PPWD1: variants seen among roughly 807,000 people sequenced by gnomAD.
PPWD1 encodes the protein peptidylprolyl isomerase domain and WD repeat containing 1, also known as peptidylprolyl isomerase domain and WD repeat-containing protein 1.
Under a neutral mutation model 68.8 loss-of-function variants are expected in PPWD1, and 43 were observed. The observed-to-expected ratio is 0.62, with a 90% CI of 0.49 to 0.81. PPWD1 has a LOEUF of 0.81. PPWD1 is among the 30% of genes least tolerant of loss of function. PPWD1 has a pLI of 0.00. For synonymous variants in PPWD1, 232 were observed against 258.7 expected (o/e 0.90, Z 0.99); for missense variants, 672 against 804.8 (o/e 0.83, Z 2.00).
chr5:65,565,091 C>G (rs1440754677), intron 1 of PPWD1, among the ~76,000 whole-genome samples: 1 of 152,168 alleles, frequency 6.6e-6, no homozygotes, highest in African/African-American at 2.4e-5. Context: ...CTTCCTGGTC[C>G]TCTTATTAAA....
chr5:65,570,211 C>T, intron 4 of PPWD1: 1 of 925,124 alleles, frequency 1.1e-6, no homozygotes, highest in Non-Finnish European at 1.3e-6. Context: ...AATTTCTAAA[C>T]AGCATCATAA....
intron 5 of PPWD1, among the ~76,000 whole-genome samples, chr5:65,574,504 C>T (rs1268035728): frequency 3.0e-5 from 4 of 132,070 alleles, no homozygotes; most frequent in Non-Finnish European, 6.2e-5. Flanking sequence ...TTGCCCAGGC[C>T]GGACTGCGGA....
At chr5:65,586,225 A>G in intron 10 of PPWD1, 44 bp downstream of exon 10, 1 of 1,564,910 alleles carries the variant, frequency 6.4e-7, no homozygotes, top group Non-Finnish European at 8.7e-7. Context: ...TTGATAGGTT[A>G]TGATGTAAGA....
chr5:65,571,285 C>G (rs922740433), intron 4 of PPWD1, among the ~76,000 whole-genome samples: 2 of 152,128 alleles, frequency 1.3e-5, no homozygotes, highest in African/African-American at 4.8e-5. Context: ...TTAGATCAGT[C>G]TGAATTCTGT....
In PPWD1 at chr5:65,563,375, C is replaced by T. The variant is rs762283295; in HGVS notation, c.65C>T (p.Pro22Leu). Residue 22 changes from proline (P) to leucine (L), a missense_variant, in exon 1 of 11, where the codon CCG (proline) becomes CTG (leucine). Physicochemically the swap from Pro to Leu is moderately conservative, Grantham distance 98 (BLOSUM62 -3). Coordinates refer to ENST00000261308, the MANE Select transcript of PPWD1 (RefSeq NM_015342.4). ...RRRRRRDPEE[P>L]EKTELSEREL... Reference sequence around the variant, plus strand: ...AGAAGGCGCCGGGACCCGGAGGAACCGGAAAAAACAGAACTCAGCGAAAGA... The same window carrying T: ...AGAAGGCGCCGGGACCCGGAGGAACTGGAAAAAACAGAACTCAGCGAAAGA... 3.1e-6 allele frequency: 5 copies of T among 1,613,990 alleles called. No homozygotes were observed. The highest frequency in any genetic ancestry group is 1.1e-5 in the South Asian group (1 of 91,046).
At chr5:65,567,767 AT>A in intron 2 of PPWD1, 152 bp downstream of exon 2, 1 of 1,287,426 alleles carries the variant, frequency 7.8e-7, no homozygotes, top group Non-Finnish European at 1.0e-6. Context: ...GTTCTTTCCT[AT>A]ATCGTACAAA....
chr5:65,579,277 G>A (rs368009355), intron 6 of PPWD1, 147 bp from the exon 7 acceptor site: 8 of 1,236,082 alleles, frequency 6.5e-6, no homozygotes, highest in African/African-American at 1.6e-5. Flanking sequence ...GATACCTTTT[G>A]GGGGGTAGAG....
chr5:65,573,516 G>GTTTTTTGTTGTTTTTTT (rs1753123905), intron 5 of PPWD1, among the ~76,000 whole-genome samples: 1 of 15,436 alleles, frequency 6.5e-5, no homozygotes, highest in African/African-American at 2.3e-4. Flanking sequence ...AGTACAGATG[G>GTTTTTTGTTGTTTTTTT]TTTTTTTTTT....
In PPWD1 at chr5:65,568,861, A is replaced by G. The variant is rs551024031; in HGVS notation, c.300-771A>G. ...GTGGTAAAACAGTATATATATACAT[A>G]TTAGCATTGCTGTCACTCTCTTCTC... On this transcript the variant is annotated intron_variant, in intron 2 of 10. Transcript: ENST00000261308. 2.2e-5 allele frequency: 10 copies of G among 454,658 alleles called. No homozygotes were observed. In the East Asian group the frequency reaches 3.5e-4, roughly 16 times the overall value. 28.2% of individuals were successfully genotyped at this position (454,658 alleles called of 1,614,324 possible). A position where few individuals can be genotyped will look rare whatever the true frequency, so the allele number is the denominator to read the frequency against.
In PPWD1 at chr5:65,563,454, G is replaced by A; in HGVS notation, c.144G>A (p.Glu48=). 1 of 1,614,148 alleles carries A rather than the reference G, an allele frequency of 6.2e-7. No individual in the cohort carries two copies. Among genetic ancestry groups the A allele is most frequent in the Non-Finnish European group, 8.5e-7 (1 of 1,180,014 alleles). ...VSQENDEENE[E]RWVGPLPVEA... is the part of the protein sequence containing the mutation. ...AGGAGAACGATGAGGAGAACGAAGA[G>A]CGCTGGGTTGGACCTTTACCTGTGG... Residue 48 remains glutamate (E), a synonymous_variant, in exon 1 of 11, where the codon GAG becomes GAA. Coordinates refer to ENST00000261308, the MANE Select transcript of PPWD1 (RefSeq NM_015342.4).
chr5:65,563,655 C>G (rs1023194573), intron 1 of PPWD1, 149 bp downstream of exon 1: 60 of 1,329,542 alleles, frequency 4.5e-5, no homozygotes, highest in Middle Eastern at 1.8e-4. Flanking sequence ...TCCATACTTG[C>G]ATGTCTTAAC....
At chr5:65,584,885 A>G (rs1026274386) in intron 8 of PPWD1, 129 bp from the exon 9 acceptor site, 41 of 1,380,660 alleles carry the variant, frequency 3.0e-5, no homozygotes, top group Non-Finnish European at 3.8e-5. Flanking sequence ...TATGAAAAAA[A>G]AAAACAACTG....
chr5:65,571,118 C>T (rs1226105210), intron 4 of PPWD1, among the ~76,000 whole-genome samples: 2 of 152,100 alleles, frequency 1.3e-5, no homozygotes, highest in Non-Finnish European at 2.9e-5. Flanking sequence ...TTTGAGAATA[C>T]TTGGAAGAGT....
chr5:65,584,387 C>CT (rs560760804), intron 8 of PPWD1, among the ~76,000 whole-genome samples: 1 of 152,094 alleles, frequency 6.6e-6, no homozygotes, highest in South Asian at 2.1e-4. Flanking sequence ...GCTTCGTACT[C>CT]TGAGTGTGAT....
intron 1 of PPWD1, chr5:65,563,945 G>A: frequency 9.3e-7 from 1 of 1,075,248 alleles, no homozygotes; most frequent in Middle Eastern, 2.0e-4. Context: ...TTCGAATCAT[G>A]GTAGGTAAAG....
At chr5:65,578,378 T>C (rs946523090) in intron 6 of PPWD1, among the ~76,000 whole-genome samples, 17 of 152,350 alleles carry the variant, frequency 1.1e-4, no homozygotes, top group Admixed American at 3.3e-4. Flanking sequence ...CTGGATCATA[T>C]GGTAACAGAA....
chr5:65,577,128 C>A (rs1199580777), intron 6 of PPWD1, 59 bp downstream of exon 6: 17 of 1,545,162 alleles, frequency 1.1e-5, no homozygotes, highest in Non-Finnish European at 1.3e-5. Flanking sequence ...CCATTTCCTC[C>A]ATCATGGGAA....
chr5:65,570,419 C>G, intron 4 of PPWD1: 5 of 702,614 alleles, frequency 7.1e-6, no homozygotes, highest in Non-Finnish European at 8.7e-6. Context: ...TATATTGATA[C>G]TAAAACTATG....
At chr5:65,576,028 G>T (rs1468710093) in intron 5 of PPWD1, among the ~76,000 whole-genome samples, 1 of 152,218 alleles carries the variant, frequency 6.6e-6, no homozygotes, top group Non-Finnish European at 1.5e-5. Flanking sequence ...TAGATGGCTA[G>T]TCCAAACTGA....
Sources: gnomAD v4.1 joint callset for allele counts (sites outside exome capture counted in the v4.1 genomes callset) on GRCh38, gnomAD v4.1.1 for gene constraint, MANE v1.5 for transcripts, NCBI Gene and HGNC (gene_info 2026-07-23, HGNC 2026-07-21) for gene names.